IGF1R: variants seen among roughly 807,000 people sequenced by gnomAD.
IGF1R encodes the protein insulin like growth factor 1 receptor.
In IGF1R, 44 loss-of-function variants were observed where a neutral mutation model predicts 144.6. That is an observed-to-expected ratio of 0.30 (90% CI 0.24 to 0.39). IGF1R has a LOEUF of 0.39. IGF1R is among the 10% of genes least tolerant of loss of function. The pLI, the probability that IGF1R is intolerant of heterozygous loss-of-function variation, is 1.00. For missense variants in IGF1R, 1,355 were observed against 1,833.7 expected (o/e 0.74, Z 4.77); for synonymous variants, 795 against 722.8 (o/e 1.10, Z -1.60).
intron 2 of IGF1R, among the ~76,000 whole-genome samples, chr15:98,795,817 G>A (rs768976019): frequency 6.6e-6 from 1 of 152,204 alleles, no homozygotes; most frequent in Non-Finnish European, 1.5e-5. Context: ...CCATGCATGC[G>A]ACTGGAACAT....
chr15:98,728,007 GTTT>G (rs10680958), intron 2 of IGF1R, among the ~76,000 whole-genome samples: 5 of 108,748 alleles, frequency 4.6e-5, no homozygotes, highest in African/African-American at 1.7e-4. Context: ...AAGATGCATT[GTTT>G]TTTTTTTTTT....
chr15:98,947,572 C>T (rs984057701), intron 19 of IGF1R, among the ~76,000 whole-genome samples: 5 of 152,214 alleles, frequency 3.3e-5, no homozygotes, highest in African/African-American at 7.2e-5. Flanking sequence ...TTGTGAATTA[C>T]GGAATTTGCC....
chr15:98,916,191 G>A (rs1182593089), intron 9 of IGF1R, 60 bp downstream of exon 9: 4 of 1,518,132 alleles, frequency 2.6e-6, no homozygotes, highest in African/African-American at 2.7e-5. Context: ...TGGTTGTAAT[G>A]TGCCTGAGCC....
At chr15:98,916,628 G>C (rs764610636) in intron 9 of IGF1R, 44 bp from the exon 10 acceptor site, 1 of 1,519,564 alleles carries the variant, frequency 6.6e-7, no homozygotes, top group East Asian at 2.3e-5. Context: ...CATGTATAAC[G>C]GCTTTCATTC....
At chr15:98,924,783 A>G in intron 13 of IGF1R, 99 bp downstream of exon 13, 3 of 1,129,554 alleles carry the variant, frequency 2.7e-6, no homozygotes, top group Non-Finnish European at 4.0e-6. Flanking sequence ...ATTTTCTGTT[A>G]AAATGGAGTT....
intron 5 of IGF1R, among the ~76,000 whole-genome samples, chr15:98,905,348 A>G (rs537604264): frequency 2.6e-4 from 40 of 152,288 alleles, no homozygotes; most frequent in Middle Eastern, 3.4e-3. Flanking sequence ...CATAGAGCAC[A>G]TGGAAGCTAA....
chr15:98,963,265 GC>G lies in IGF1R; in HGVS notation c.*5825del, dbSNP rs2017298975. On this transcript the variant is annotated 3_prime_UTR_variant, in exon 21 of 21. Transcript: ENST00000650285. ...TGTTTACTAGCTAGCTTTACAATAT[GC>G]CAAAAAAGGATTTCTCCCTGACCCC... 4.5e-6 allele frequency: 1 copy of G among 219,912 alleles called. No homozygotes were observed. The highest frequency in any genetic ancestry group is 2.4e-5 in the African/African-American group (1 of 41,544). 13.6% of individuals were successfully genotyped at this position (219,912 alleles called of 1,614,324 possible).
intron 2 of IGF1R, among the ~76,000 whole-genome samples, chr15:98,859,188 G>A (rs1318758471): frequency 3.9e-5 from 6 of 152,134 alleles, no homozygotes; most frequent in South Asian, 4.1e-4. Flanking sequence ...TGAGATCGGT[G>A]TAAAAATTCA....
rs1249331739 is a variant in IGF1R at position 98,892,396 on chromosome 15, C to T, written c.953+759C>T. ...TGAAACCCTGTCTCTACTAAAAATA[C>T]AAAAATTAGCACCTGTAGTCCTAGC... is the stretch of plus-strand genomic sequence containing the variant. On this transcript the variant is annotated intron_variant, in intron 3 of 20. Coordinates refer to ENST00000650285, the MANE Select transcript of IGF1R (RefSeq NM_000875.5). Among the ~76,000 whole-genome samples the T allele has an allele frequency of 2.0e-5, 3 of 151,562 alleles. No homozygotes were observed. In the South Asian group the frequency reaches 6.3e-4, roughly 32 times the overall value.
intron 1 of IGF1R, among the ~76,000 whole-genome samples, chr15:98,694,162 G>A (rs45529638): frequency 4.0e-5 from 6 of 151,876 alleles, no homozygotes; most frequent in Admixed American, 2.0e-4. Flanking sequence ...ATAATTGTTC[G>A]TGTCTACATG....
In IGF1R at chr15:98,658,117, C is replaced by G. The variant is rs73473429; in HGVS notation, c.94+8442C>G. Among the ~76,000 whole-genome samples, 1,330 of 152,280 alleles carry G rather than the reference C, an allele frequency of 8.7e-3. 20 individuals carry two copies. Among genetic ancestry groups the G allele is most frequent in the African/African-American group, 0.031 (1,278 of 41,566 alleles). On this transcript the variant is annotated intron_variant, in intron 1 of 20. Transcript: ENST00000650285. ...CTTAGTAATCCTGTGCTGTAGGGAT[C>G]CACTGTTAGTTCCTGGTACTCCCCA...
At chr15:98,940,470 C>A (rs2016322271) in intron 18 of IGF1R, among the ~76,000 whole-genome samples, 1 of 152,258 alleles carries the variant, frequency 6.6e-6, no homozygotes, top group African/African-American at 2.4e-5. Flanking sequence ...GTGGCACAAT[C>A]TTGGCTCACC....
chr15:98,890,289 C>G (rs2013841225), intron 2 of IGF1R: 1 of 152,202 alleles, frequency 6.6e-6, no homozygotes, highest in South Asian at 2.1e-4. Context: ...AAATACAGGT[C>G]ATAAAGACCT....
Position 98,942,943 on chromosome 15 carries a change from A to G in IGF1R, c.3478A>G (p.Ile1160Val). 3.1e-6 allele frequency: 5 copies of G among 1,614,168 alleles called. No homozygotes were observed. The highest frequency in any genetic ancestry group is 3.4e-6 in the Non-Finnish European group (4 of 1,180,022). ...KIGDFGMTRDIYETDYYRKGG... is the reference protein window; with the variant it reads ...KIGDFGMTRDVYETDYYRKGG... The stretch of plus-strand genomic sequence containing the variant: ...TACAGATTTTGGTATGACGCGAGAT[A>G]TCTATGAGACAGACTATTACCGGAA... The change falls in exon 19 of 21, where the codon ATC becomes GTC. Residue 1160 changes from isoleucine (I) to valine (V), a missense_variant. Coordinates refer to ENST00000650285, the MANE Select transcript of IGF1R (RefSeq NM_000875.5).
chr15:98,855,041 A>G (rs1192058570), intron 2 of IGF1R, among the ~76,000 whole-genome samples: 1 of 151,984 alleles, frequency 6.6e-6, no homozygotes, highest in Non-Finnish European at 1.5e-5. Flanking sequence ...ACCTTCATAC[A>G]GCCCCTGCGC....
chr15:98,914,629 C>G (rs2015163025), intron 8 of IGF1R, among the ~76,000 whole-genome samples: 1 of 152,156 alleles, frequency 6.6e-6, no homozygotes, highest in South Asian at 2.1e-4. Flanking sequence ...TAACCCCTGG[C>G]CAGCAATTCA....
intron 2 of IGF1R, among the ~76,000 whole-genome samples, chr15:98,877,939 T>C (rs1354672745): frequency 6.6e-6 from 1 of 152,266 alleles, no homozygotes; most frequent in Admixed American, 6.5e-5. Context: ...TAAATGATTA[T>C]GTGTGTGGCA....
Position 98,930,893 on chromosome 15 carries a change from A to G in IGF1R, c.2956+588A>G, listed in dbSNP as rs78091309. On this transcript the variant is annotated intron_variant, in intron 15 of 20. Transcript: ENST00000650285. ...GGAAGTTGGGTGATCCTCAATGGTT[A>G]TTTCCTTTTTTGCTCTTTCTAGCAT... Among the ~76,000 whole-genome samples, 466 of 152,130 alleles carry G rather than the reference A, an allele frequency of 3.1e-3. 3 individuals carry two copies. Among genetic ancestry groups the G allele is most frequent in the African/African-American group, 0.011 (440 of 41,494 alleles).
intron 2 of IGF1R, among the ~76,000 whole-genome samples, chr15:98,879,097 G>A (rs2013236779): frequency 6.6e-6 from 1 of 152,190 alleles, no homozygotes; most frequent in Admixed American, 6.5e-5. Context: ...GAACGCCGAA[G>A]CAGGGCCGGT....
Sources: gnomAD v4.1 joint callset for allele counts (sites outside exome capture counted in the v4.1 genomes callset) on GRCh38, gnomAD v4.1.1 for gene constraint, MANE v1.5 for transcripts, NCBI Gene and HGNC (gene_info 2026-07-23, HGNC 2026-07-21) for gene names.